WWOX: variants seen among roughly 807,000 people sequenced by gnomAD.
WWOX encodes the protein WW domain containing oxidoreductase, also known as WW domain-containing oxidoreductase.
WWOX carries 69 observed loss-of-function variants against 46.2 expected under a neutral mutation model. The ratio of observed to expected loss-of-function variants is 1.49; its 90% CI spans 1.23 to 1.82. WWOX has a LOEUF of 1.82. Among genes scored for constraint, WWOX ranks in the 40% most tolerant of loss-of-function variants. The pLI is 0.00. For missense variants in WWOX, 919 were observed against 542.6 expected (o/e 1.69, Z -6.89); for synonymous variants, 359 against 202.6 (o/e 1.77, Z -6.56).
intron 8 of WWOX, among the ~76,000 whole-genome samples, chr16:78,688,838 C>G (rs1033668458): frequency 6.6e-6 from 1 of 152,152 alleles, no homozygotes; most frequent in Non-Finnish European, 1.5e-5. Flanking sequence ...GTGATTGAAT[C>G]ATGTGTGCAG....
intron 8 of WWOX, among the ~76,000 whole-genome samples, chr16:78,603,933 G>C (rs1304078755): frequency 2.0e-5 from 3 of 151,946 alleles, no homozygotes; most frequent in Non-Finnish European, 2.9e-5. Context: ...CTTGAGCCTA[G>C]GAGTTCAAGA....
intron 5 of WWOX, among the ~76,000 whole-genome samples, chr16:78,261,791 T>G (rs8059389): frequency 0.012 from 404 of 34,052 alleles, 4 homozygotes; most frequent in African/African-American, 0.046. Flanking sequence ...TATCTATCTA[T>G]ATATATATAT....
At chr16:79,091,379 C>T (rs1324621151) in intron 8 of WWOX, among the ~76,000 whole-genome samples, 1 of 151,862 alleles carries the variant, frequency 6.6e-6, no homozygotes. Context: ...TCACTGCTTT[C>T]GTGAGCACAG....
At chr16:78,702,120 A>ATATATATATATATATATATATATATT (rs1207718237) in intron 8 of WWOX, among the ~76,000 whole-genome samples, 31 of 130,010 alleles carry the variant, frequency 2.4e-4, no homozygotes, top group African/African-American at 9.3e-4. Flanking sequence ...ATATATATAT[A>ATATATATATATATATATATATATATT]TATTTATTTA....
intron 8 of WWOX, among the ~76,000 whole-genome samples, chr16:78,888,338 A>G (rs1014092120): frequency 2.8e-4 from 43 of 152,282 alleles, no homozygotes; most frequent in African/African-American, 9.9e-4. Flanking sequence ...TTTCCTTCTC[A>G]GAACTGAAAT....
At chr16:78,934,625 C>T (rs2045697875) in intron 8 of WWOX, among the ~76,000 whole-genome samples, 1 of 152,026 alleles carries the variant, frequency 6.6e-6, no homozygotes, top group Admixed American at 6.6e-5. Flanking sequence ...TGACCCACCA[C>T]CACGCAGGCC....
At chr16:78,974,871 G>GC (rs1567452064) in intron 8 of WWOX, among the ~76,000 whole-genome samples, 1 of 152,162 alleles carries the variant, frequency 6.6e-6, no homozygotes, top group Non-Finnish European at 1.5e-5. Flanking sequence ...TCCACTGGAG[G>GC]CCCGGGGAGA....
chr16:78,448,711 G>A (rs1446165266), intron 8 of WWOX, among the ~76,000 whole-genome samples: 3 of 152,182 alleles, frequency 2.0e-5, no homozygotes, highest in Non-Finnish European at 4.4e-5. Context: ...TTAATGAAGA[G>A]GCTGGACATT....
At chr16:79,203,049 C>T (rs747603320) in intron 8 of WWOX, 1 of 152,196 alleles carries the variant, frequency 6.6e-6, no homozygotes, top group African/African-American at 2.4e-5. Context: ...AACACCGAGG[C>T]AGAATTATTT....
chr16:78,579,390 G>A (rs148647455), intron 8 of WWOX, among the ~76,000 whole-genome samples: 20 of 152,238 alleles, frequency 1.3e-4, no homozygotes, highest in African/African-American at 4.6e-4. Flanking sequence ...CAAATTGAAG[G>A]GTAAACTGAG....
intron 5 of WWOX, among the ~76,000 whole-genome samples, chr16:78,384,455 A>G (rs570521794): frequency 1.3e-5 from 2 of 152,280 alleles, no homozygotes; most frequent in East Asian, 3.9e-4. Flanking sequence ...TCAGATAAAT[A>G]TCAGTTACTC....
At chr16:78,368,164 C>G (rs764229700) in intron 5 of WWOX, among the ~76,000 whole-genome samples, 3 of 152,078 alleles carry the variant, frequency 2.0e-5, no homozygotes, top group African/African-American at 7.2e-5. Flanking sequence ...GGCTCAGTAG[C>G]GTAGAATAAG....
intron 8 of WWOX, among the ~76,000 whole-genome samples, chr16:78,720,979 C>T (rs1416019906): frequency 2.0e-5 from 3 of 152,162 alleles, no homozygotes; most frequent in Non-Finnish European, 4.4e-5. Flanking sequence ...TAATCACCAC[C>T]GTGCCTGGAG....
At chr16:78,432,448 C>T (rs1178018821) in intron 7 of WWOX, 40 bp from the exon 8 acceptor site, 3 of 1,609,946 alleles carry the variant, frequency 1.9e-6, no homozygotes, top group East Asian at 2.2e-5. Flanking sequence ...TGTGGGAAGT[C>T]AGAACTTGGT....
intron 5 of WWOX, among the ~76,000 whole-genome samples, chr16:78,328,302 T>C (rs1200205006): frequency 6.6e-6 from 1 of 152,236 alleles, no homozygotes; most frequent in Non-Finnish European, 1.5e-5. Flanking sequence ...ATTTTTCTTG[T>C]CATGTGATTT....
intron 8 of WWOX, among the ~76,000 whole-genome samples, chr16:78,923,863 G>T (rs573885794): frequency 1.4e-5 from 2 of 141,014 alleles, no homozygotes; most frequent in South Asian, 2.5e-4. Flanking sequence ...GCAGTGGCGC[G>T]ATCTCGGTTC....
chr16:78,382,578 TACTG>T (rs1884215451), intron 5 of WWOX, among the ~76,000 whole-genome samples: 1 of 152,198 alleles, frequency 6.6e-6, no homozygotes, highest in African/African-American at 2.4e-5. Context: ...GCCCACGTCT[TACTG>T]ACCACTCTGA....
At chr16:78,887,206 A>C (rs574013129) in intron 8 of WWOX, among the ~76,000 whole-genome samples, 5 of 151,656 alleles carry the variant, frequency 3.3e-5, no homozygotes, top group African/African-American at 9.7e-5. Flanking sequence ...CTGTATGTCA[A>C]AAAAGAGTCT....
intron 8 of WWOX, among the ~76,000 whole-genome samples, chr16:78,824,775 C>G (rs1296444898): frequency 6.6e-6 from 1 of 152,106 alleles, no homozygotes; most frequent in Non-Finnish European, 1.5e-5. Flanking sequence ...CTGGGTCCCT[C>G]CCACAACATG....
Sources: allele counts gnomAD v4.1 joint callset (sites outside exome capture counted in the v4.1 genomes callset), GRCh38; gene constraint gnomAD v4.1.1; transcripts MANE v1.5; gene names NCBI Gene and HGNC (gene_info 2026-07-23, HGNC 2026-07-21).